The following INPP5A variants were observed in gnomAD, a reference collection of about 807,000 sequenced individuals.
The protein encoded by INPP5A is 43 kDa inositol polyphosphate 5-phophatase.
A neutral mutation model predicts 65.2 loss-of-function variants in INPP5A; 14 were observed. The observed-to-expected ratio is 0.21, with a 90% confidence interval of 0.14 to 0.34. INPP5A has a LOEUF of 0.34. INPP5A is among the 10% of genes least tolerant of loss of function. The pLI, the probability that INPP5A is intolerant of heterozygous loss-of-function variation, is 1.00. For synonymous variants in INPP5A, 207 were observed against 208.3 expected (o/e 0.99, Z 0.05); for missense variants, 431 against 545.6 (o/e 0.79, Z 2.09).
chr10:132,658,240 T>C (rs1400792846), intron 4 of INPP5A, among the ~76,000 whole-genome samples: 3 of 152,220 alleles, frequency 2.0e-5, no homozygotes, highest in African/African-American at 7.2e-5. Context: ...GATCTGTTTT[T>C]TCTTTGAATT....
chr10:132,645,335 G>T (rs1465774853), intron 2 of INPP5A, among the ~76,000 whole-genome samples: 1 of 152,238 alleles, frequency 6.6e-6, no homozygotes, highest in Non-Finnish European at 1.5e-5. Flanking sequence ...CAGGCTGTGA[G>T]CAGGCGGCGG....
intron 1 of INPP5A, among the ~76,000 whole-genome samples, chr10:132,554,006 A>G (rs1159792380): frequency 0.02 from 1,531 of 76,250 alleles, no homozygotes; most frequent in Middle Eastern, 0.062. Flanking sequence ...GGATAGGGAG[A>G]GAGGATTGGT....
At chr10:132,610,556 G>T (rs113640401) in intron 2 of INPP5A, among the ~76,000 whole-genome samples, 3,541 of 152,364 alleles carry the variant, frequency 0.023, 49 homozygotes, top group South Asian at 0.039. Flanking sequence ...GGACGTTGGC[G>T]TGTGGCCCCA....
At chr10:132,590,142 A>C (rs1046691705) in intron 1 of INPP5A, among the ~76,000 whole-genome samples, 1 of 152,190 alleles carries the variant, frequency 6.6e-6, no homozygotes, top group Non-Finnish European at 1.5e-5. Context: ...TAATTGGTCA[A>C]GGTATGTGGC....
intron 2 of INPP5A, among the ~76,000 whole-genome samples, chr10:132,638,094 GCT>G (rs2072380495): frequency 6.6e-6 from 1 of 152,098 alleles, no homozygotes; most frequent in Admixed American, 6.5e-5. Context: ...ATTTGCTGGC[GCT>G]CTTTCTCTTT....
In INPP5A at chr10:132,761,073, A is replaced by G. The variant is rs114046141; in HGVS notation, c.904-4700A>G. 2.8e-3 allele frequency among the ~76,000 whole-genome samples: 421 copies of G among 152,282 alleles called. 6 individuals are homozygous for G. The highest frequency in any genetic ancestry group is 8.6e-3 in the African/African-American group (356 of 41,556). ...AGGCTCTTTGGATTCTTAGACTAAA[A>G]ATGTGCTGGGACCGCCAGGCTTCGT... On this transcript the variant is annotated intron_variant, in intron 11 of 15. Coordinates refer to ENST00000368594, the MANE Select transcript of INPP5A (RefSeq NM_005539.5).
intron 6 of INPP5A, among the ~76,000 whole-genome samples, chr10:132,703,943 A>G (rs1333196205): frequency 2.4e-5 from 2 of 82,620 alleles, no homozygotes; most frequent in African/African-American, 1.0e-4. Context: ...ACCCCCACAC[A>G]CACGCGGCTT....
intron 1 of INPP5A, among the ~76,000 whole-genome samples, chr10:132,563,869 G>T (rs2071238291): frequency 6.6e-6 from 1 of 152,168 alleles, no homozygotes. Context: ...TGCCAGGGAG[G>T]CGTATTCACT....
intron 1 of INPP5A, among the ~76,000 whole-genome samples, chr10:132,571,444 C>A (rs2071340925): frequency 6.6e-6 from 1 of 152,232 alleles, no homozygotes; most frequent in South Asian, 2.1e-4. Flanking sequence ...TGGGTGAACA[C>A]AGAGGCCCAG....
chr10:132,635,814 A>AG (rs1324689871), intron 2 of INPP5A, among the ~76,000 whole-genome samples: 1 of 151,958 alleles, frequency 6.6e-6, no homozygotes, highest in Non-Finnish European at 1.5e-5. Flanking sequence ...AGATTTAAAA[A>AG]AAAAAAAAAT....
At chr10:132,693,698 G>A (rs1025878678) in intron 5 of INPP5A, among the ~76,000 whole-genome samples, 2 of 151,884 alleles carry the variant, frequency 1.3e-5, no homozygotes, top group Non-Finnish European at 2.9e-5. Context: ...GCCAGACTAA[G>A]AAAAAAAATG....
At chr10:132,737,893 G>C (rs1192320693) in intron 9 of INPP5A, among the ~76,000 whole-genome samples, 1 of 152,160 alleles carries the variant, frequency 6.6e-6, no homozygotes, top group East Asian at 1.9e-4. Flanking sequence ...TAATTATAGT[G>C]ATGACATTAG....
At chr10:132,556,877 G>A (rs2071133846) in intron 1 of INPP5A, among the ~76,000 whole-genome samples, 1 of 152,126 alleles carries the variant, frequency 6.6e-6, no homozygotes. Context: ...GGCAGTGACT[G>A]TAGGGTTTGT....
chr10:132,539,170 G>A (rs942529490), intron 1 of INPP5A, among the ~76,000 whole-genome samples: 2 of 152,034 alleles, frequency 1.3e-5, no homozygotes, highest in Non-Finnish European at 2.9e-5. Flanking sequence ...CCCACCCCTG[G>A]CCCCTGTCCT....
At chr10:132,726,757 G>A (rs1048189420) in intron 8 of INPP5A, 64 bp from the exon 9 acceptor site, 3 of 1,144,966 alleles carry the variant, frequency 2.6e-6, no homozygotes, top group Admixed American at 3.8e-5. Context: ...AGGAGCACCG[G>A]GGCCGGGCAT....
At chr10:132,619,166 A>G (rs1166465141) in intron 2 of INPP5A, among the ~76,000 whole-genome samples, 1 of 152,222 alleles carries the variant, frequency 6.6e-6, no homozygotes, top group African/African-American at 2.4e-5. Flanking sequence ...AACCTGCAAA[A>G]TCAAAAACAA....
intron 3 of INPP5A, among the ~76,000 whole-genome samples, chr10:132,646,220 GCCAGGGGACGTGAGCC>G (rs1284241171): frequency 6.6e-6 from 1 of 152,202 alleles, no homozygotes; most frequent in African/African-American, 2.4e-5. Context: ...GTGCTCTCGG[GCCAGGGGACGTGAGCC>G]CCAGATACCA....
intron 9 of INPP5A, among the ~76,000 whole-genome samples, chr10:132,744,257 ACT>A (rs1235514660): frequency 1.3e-5 from 2 of 152,234 alleles, no homozygotes; most frequent in African/African-American, 2.4e-5. Flanking sequence ...CCACGGATTG[ACT>A]CAGCAGCTGA....
chr10:132,647,312 G>T (rs1041977966), intron 3 of INPP5A, among the ~76,000 whole-genome samples: 2 of 151,948 alleles, frequency 1.3e-5, no homozygotes, highest in African/African-American at 4.8e-5. Context: ...TAGAGATGGG[G>T]TGTCACCATG....
Sources: allele counts gnomAD v4.1 joint callset (sites outside exome capture counted in the v4.1 genomes callset), GRCh38; gene constraint gnomAD v4.1.1; transcripts MANE v1.5; gene names NCBI Gene and HGNC (gene_info 2026-07-23, HGNC 2026-07-21).